The following CABCOCO1 variants were observed in gnomAD, a reference collection of about 807,000 sequenced individuals.
CABCOCO1 encodes the protein ciliary-associated calcium-binding coiled-coil protein 1.
A neutral mutation model predicts 35.7 loss-of-function variants in CABCOCO1; 28 were observed. The ratio of observed to expected loss-of-function variants is 0.78; its 90% CI spans 0.58 to 1.07. CABCOCO1 has a LOEUF of 1.07. Ranked by LOEUF, CABCOCO1 falls within the 50% of genes least tolerant of loss-of-function variation. CABCOCO1 has a pLI of 0.00. For synonymous variants in CABCOCO1, 95 were observed against 100.1 expected, an observed-to-expected ratio of 0.95 and a Z score of 0.30; for missense variants, 326 against 309.2, an observed-to-expected ratio of 1.05 and a Z score of -0.41.
intron 5 of CABCOCO1, among the ~76,000 whole-genome samples, chr10:61,733,770 T>C (rs1022129672): frequency 2.6e-5 from 4 of 152,140 alleles, no homozygotes; most frequent in Non-Finnish European, 5.9e-5. Flanking sequence ...ACATTTCTTA[T>C]TTTATTTTAG....
chr10:61,690,450 T>C, intron 4 of CABCOCO1, 99 bp from the exon 5 acceptor site: 1 of 717,916 alleles, frequency 1.4e-6, no homozygotes, highest in Non-Finnish European at 2.3e-6. Context: ...ATAGCATTAG[T>C]TTGGTCAATA....
intron 5 of CABCOCO1, among the ~76,000 whole-genome samples, chr10:61,727,932 T>C (rs950502159): frequency 6.6e-6 from 1 of 152,214 alleles, no homozygotes; most frequent in Admixed American, 6.5e-5. Context: ...AATATGTTAG[T>C]AGAAGGAAGG....
chr10:61,682,241 A>T (rs1294314476), intron 3 of CABCOCO1, among the ~76,000 whole-genome samples: 4 of 152,200 alleles, frequency 2.6e-5, no homozygotes, highest in Admixed American at 2.6e-4. Context: ...GAATTTCTAA[A>T]ACCTGAGCAG....
chr10:61,689,254 C>T (rs1377673703), intron 4 of CABCOCO1, among the ~76,000 whole-genome samples: 1 of 152,126 alleles, frequency 6.6e-6, no homozygotes, highest in Non-Finnish European at 1.5e-5. Context: ...AAGGCTTTCT[C>T]TAGGTAACCA....
chr10:61,676,271 AT>A (rs139000031), intron 2 of CABCOCO1, among the ~76,000 whole-genome samples: 3,890 of 152,312 alleles, frequency 0.026, 160 homozygotes, highest in African/African-American at 0.089. Context: ...CAGCTGAAAA[AT>A]AAATCAGTTC....
At chr10:61,755,340 G>T (rs907742279) in intron 5 of CABCOCO1, among the ~76,000 whole-genome samples, 6 of 152,072 alleles carry the variant, frequency 3.9e-5, no homozygotes, top group Admixed American at 6.6e-5. Context: ...AATTAGACTT[G>T]CAAATGAGTA....
intron 2 of CABCOCO1, among the ~76,000 whole-genome samples, chr10:61,679,327 A>ATCTATATCTATC (rs1839631551): frequency 1.4e-5 from 1 of 71,802 alleles, no homozygotes; most frequent in Admixed American, 1.3e-4. Flanking sequence ...CTATATCTAT[A>ATCTATATCTATC]TCTATCTATA....
intron 5 of CABCOCO1, among the ~76,000 whole-genome samples, chr10:61,719,211 A>G (rs1018193664): frequency 2.0e-5 from 3 of 152,196 alleles, no homozygotes; most frequent in Admixed American, 6.5e-5. Context: ...AGAAAAACAA[A>G]TTATGAAAGT....
At chr10:61,673,095 G>A (rs1247805836) in intron 2 of CABCOCO1, among the ~76,000 whole-genome samples, 1 of 152,132 alleles carries the variant, frequency 6.6e-6, no homozygotes, top group African/African-American at 2.4e-5. Flanking sequence ...AGAGTAAGTT[G>A]TGTTTTCTGT....
intron 2 of CABCOCO1, 88 bp from the exon 3 acceptor site, chr10:61,681,055 A>T (rs183434407): frequency 6.2e-5 from 44 of 706,024 alleles, no homozygotes; most frequent in Non-Finnish European, 8.3e-5. Flanking sequence ...ATGGGCATTA[A>T]AGAAAAAGAC....
At chr10:61,751,011 G>C (rs1841769741) in intron 5 of CABCOCO1, among the ~76,000 whole-genome samples, 1 of 152,106 alleles carries the variant, frequency 6.6e-6, no homozygotes, top group African/African-American at 2.4e-5. Context: ...GAATAAGCAA[G>C]ATACTCTGCG....
intron 5 of CABCOCO1, among the ~76,000 whole-genome samples, chr10:61,691,052 C>A (rs1212605158): frequency 6.6e-6 from 1 of 152,098 alleles, no homozygotes; most frequent in Admixed American, 6.6e-5. Context: ...CCCACTTCCT[C>A]AGTGGATCAA....
chr10:61,735,262 A>G (rs140171915), intron 5 of CABCOCO1, among the ~76,000 whole-genome samples: 1 of 152,268 alleles, frequency 6.6e-6, no homozygotes, highest in East Asian at 1.9e-4. Context: ...CATCCTCTCC[A>G]GAAATCTAAT....
chr10:61,751,320 C>T (rs368813851), intron 5 of CABCOCO1, among the ~76,000 whole-genome samples: 46 of 148,242 alleles, frequency 3.1e-4, no homozygotes, highest in Admixed American at 1.8e-3. Context: ...AGCTGGAGCT[C>T]GAGATCTGTG....
chr10:61,679,132 TACC>T (rs1010183597), intron 2 of CABCOCO1, among the ~76,000 whole-genome samples: 3 of 152,008 alleles, frequency 2.0e-5, no homozygotes, highest in Non-Finnish European at 1.5e-5. Flanking sequence ...AACAAGGAAA[TACC>T]ACCTTCATCT....
At chr10:61,687,280 A>G (rs954736981) in intron 4 of CABCOCO1, among the ~76,000 whole-genome samples, 4 of 152,232 alleles carry the variant, frequency 2.6e-5, no homozygotes, top group Admixed American at 6.5e-5. Flanking sequence ...TTTCATATCA[A>G]TTAAAGCAAA....
intron 5 of CABCOCO1, among the ~76,000 whole-genome samples, chr10:61,707,556 T>C (rs1840623870): frequency 6.6e-6 from 1 of 152,168 alleles, no homozygotes; most frequent in Admixed American, 6.5e-5. Flanking sequence ...CTGACCACCC[T>C]AGTAGTGGCT....
At chr10:61,711,901 G>T (rs1197142860) in intron 5 of CABCOCO1, among the ~76,000 whole-genome samples, 1 of 151,960 alleles carries the variant, frequency 6.6e-6, no homozygotes, top group Non-Finnish European at 1.5e-5. Context: ...TGAATGGGAT[G>T]AAAATGAAAG....
At chr10:61,697,567 A>G (rs1352606224) in intron 5 of CABCOCO1, among the ~76,000 whole-genome samples, 1 of 152,106 alleles carries the variant, frequency 6.6e-6, no homozygotes, top group Non-Finnish European at 1.5e-5. Flanking sequence ...AATATGGCTT[A>G]CTTTTGGGTA....
Sources: allele counts gnomAD v4.1 joint callset (sites outside exome capture counted in the v4.1 genomes callset), GRCh38; gene constraint gnomAD v4.1.1; transcripts MANE v1.5; gene names NCBI Gene and HGNC (gene_info 2026-07-23, HGNC 2026-07-21).